TSPAN16: variants seen among roughly 807,000 people sequenced by gnomAD.
The protein encoded by TSPAN16 is tetraspanin-16.
TSPAN16 carries 23 observed loss-of-function variants against 25.2 expected under a neutral mutation model. The observed-to-expected ratio is 0.91, with a 90% confidence interval of 0.66 to 1.29. The LOEUF (loss-of-function observed/expected upper bound fraction) is 1.29, where lower values mean the gene tolerates loss of function less well. Ranked by LOEUF, TSPAN16 falls within the 50% of genes most tolerant of loss-of-function variation. The probability of loss-of-function intolerance (pLI) is 0.00; values close to 1 mark genes in which losing one functional copy is unlikely to be tolerated. For synonymous variants in TSPAN16, 123 were observed against 124.4 expected, an observed-to-expected ratio of 0.99 and a Z score of 0.08; for missense variants, 272 against 299.9, an observed-to-expected ratio of 0.91 and a Z score of 0.69.
At chr19:11,307,492 C>T (rs1408566108) in intron 5 of TSPAN16, among the ~76,000 whole-genome samples, 1 of 151,624 alleles carries the variant, frequency 6.6e-6, no homozygotes, top group African/African-American at 2.4e-5. Flanking sequence ...AATCACGGCT[C>T]ACTGCAGCCT....
At chr19:11,302,672 T>TACAC (rs1555703599) in intron 4 of TSPAN16, among the ~76,000 whole-genome samples, 53 of 124,014 alleles carry the variant, frequency 4.3e-4, no homozygotes, top group Admixed American at 1.5e-3. Flanking sequence ...TATATATATA[T>TACAC]ATATATACAC....
intron 6 of TSPAN16, chr19:11,321,390 G>C (rs1436354557): frequency 2.0e-5 from 3 of 152,182 alleles, no homozygotes; most frequent in African/African-American, 7.2e-5. Flanking sequence ...TTGCTATCAG[G>C]AGAACAGCAT....
At chr19:11,310,678 TGA>T (rs2080681315) in intron 5 of TSPAN16, among the ~76,000 whole-genome samples, 1 of 152,076 alleles carries the variant, frequency 6.6e-6, no homozygotes, top group Non-Finnish European at 1.5e-5. Flanking sequence ...GGGGTTATAG[TGA>T]GAAATGAGTA....
intron 6 of TSPAN16, among the ~76,000 whole-genome samples, chr19:11,313,601 G>T (rs1045500514): frequency 6.6e-6 from 1 of 151,384 alleles, no homozygotes; most frequent in African/African-American, 2.4e-5. Context: ...TTCAAATAGA[G>T]ATTTTTATCC....
At chr19:11,323,311 C>T (rs938876216) in intron 6 of TSPAN16, 1 of 152,114 alleles carries the variant, frequency 6.6e-6, no homozygotes, top group Non-Finnish European at 1.5e-5. Context: ...AAGATACCCT[C>T]GGCTGGGCGT....
At chr19:11,317,759 G>A (rs2080756490), downstream of TSPAN16, among the ~76,000 whole-genome samples, 1 of 150,346 alleles carries the variant, frequency 6.7e-6, no homozygotes, top group African/African-American at 2.4e-5. Flanking sequence ...GGAGGTGGAG[G>A]TTGCAGTGAG....
chr19:11,316,089 G>T, downstream of TSPAN16: 1 of 273,356 alleles, frequency 3.7e-6, no homozygotes, highest in Non-Finnish European at 5.6e-6. Flanking sequence ...TATTCTTGGT[G>T]TGTGTGTGTG....
In TSPAN16 at chr19:11,306,773, T is replaced by C; in HGVS notation, c.603+17T>C. 6.2e-7 allele frequency: 1 copy of C among 1,611,952 alleles called. No homozygotes were observed. Among genetic ancestry groups the C allele is most frequent in the Non-Finnish European group, 8.5e-7 (1 of 1,178,430 alleles). On this transcript the variant is annotated intron_variant, in intron 5 of 6. Coordinates refer to ENST00000590327, the MANE Select transcript of TSPAN16 (RefSeq NM_001282509.2). ...CACCAGAAGGTAACTGGAGATTTTG[T>C]GTGTTGCCTTGACAGACCCCTGAGG...
chr19:11,320,188 C>G (rs906756829), downstream of TSPAN16, among the ~76,000 whole-genome samples: 7 of 146,254 alleles, frequency 4.8e-5, no homozygotes, highest in Non-Finnish European at 7.4e-5. Context: ...ATGGCACGAT[C>G]TCGGCACACC....
At chr19:11,298,479 G>C (rs900630347) in intron 2 of TSPAN16, 140 bp downstream of exon 2, 2 of 785,384 alleles carry the variant, frequency 2.5e-6, no homozygotes, top group Non-Finnish European at 4.0e-6. Flanking sequence ...CTGTCGCCCA[G>C]GCTGGAGTGC....
chr19:11,317,371 A>G (rs2080754651), downstream of TSPAN16, among the ~76,000 whole-genome samples: 1 of 152,208 alleles, frequency 6.6e-6, no homozygotes, highest in Non-Finnish European at 1.5e-5. Flanking sequence ...GCTGGAGTGC[A>G]GAGATGTGAT....
intron 4 of TSPAN16, among the ~76,000 whole-genome samples, chr19:11,302,444 G>A (rs974693428): frequency 7.0e-6 from 1 of 143,282 alleles, no homozygotes; most frequent in Admixed American, 7.4e-5. Context: ...CAGGAGAATC[G>A]CTTGAATCCG....
intron 4 of TSPAN16, among the ~76,000 whole-genome samples, chr19:11,302,106 G>A (rs1311017357): frequency 3.9e-5 from 6 of 152,112 alleles, no homozygotes; most frequent in African/African-American, 1.2e-4. Flanking sequence ...TTATAGGCGT[G>A]AGCCACCGTG....
chr19:11,316,879 G>A (rs936587111), downstream of TSPAN16, among the ~76,000 whole-genome samples: 5 of 147,002 alleles, frequency 3.4e-5, no homozygotes, highest in African/African-American at 1.3e-4. Flanking sequence ...GTGTGATCTC[G>A]GCTTATTGCA....
downstream of TSPAN16, among the ~76,000 whole-genome samples, chr19:11,317,872 C>T (rs1412680280): frequency 1.3e-5 from 2 of 151,030 alleles, no homozygotes; most frequent in Non-Finnish European, 2.9e-5. Context: ...ATGTTCTGGG[C>T]TTACTGCTTT....
chr19:11,325,524 GC>G (rs1262573900), intron 6 of TSPAN16: 17 of 1,613,650 alleles, frequency 1.1e-5, no homozygotes, highest in Non-Finnish European at 1.4e-5. Flanking sequence ...CATCCACCAG[GC>G]GCTCGAAGAC....
intron 6 of TSPAN16, among the ~76,000 whole-genome samples, chr19:11,313,306 G>A (rs942218353): frequency 3.9e-5 from 6 of 152,096 alleles, no homozygotes; most frequent in Non-Finnish European, 7.3e-5. Context: ...GAGGTGAAGA[G>A]ATCGAGACCA....
intron 4 of TSPAN16, among the ~76,000 whole-genome samples, chr19:11,305,520 A>AC (rs1331957655): frequency 6.6e-6 from 1 of 151,472 alleles, no homozygotes; most frequent in Non-Finnish European, 1.5e-5. Context: ...ACAGACAGAG[A>AC]CTGTGTCTCA....
chr19:11,325,904 T>A (rs1371430699), intron 6 of TSPAN16, among the ~76,000 whole-genome samples: 1 of 151,964 alleles, frequency 6.6e-6, no homozygotes, highest in African/African-American at 2.4e-5. Context: ...CAAGGCCCTA[T>A]CTCTACAATA....
Sources: allele counts gnomAD v4.1 joint callset (sites outside exome capture counted in the v4.1 genomes callset), GRCh38; gene constraint gnomAD v4.1.1; transcripts MANE v1.5; gene names NCBI Gene and HGNC (gene_info 2026-07-23, HGNC 2026-07-21).